Variants in DLGAP2 observed in about 807,000 individuals in gnomAD.
DLGAP2 encodes disks large-associated protein 2.
DLGAP2 carries 26 observed loss-of-function variants against 100.3 expected under a neutral mutation model. That is an observed-to-expected ratio of 0.26 (90% CI 0.19 to 0.36). The LOEUF is 0.36. Among genes scored for constraint, DLGAP2 ranks in the 10% least tolerant of loss-of-function variants. The pLI, the probability that DLGAP2 is intolerant of heterozygous loss-of-function variation, is 1.00. For synonymous variants in DLGAP2, 886 were observed against 630.1 expected (o/e 1.41, Z -6.08); for missense variants, 1,858 against 1,453.2 (o/e 1.28, Z -4.53).
At chr8:1,362,021 C>G (rs781334295) in intron 3 of DLGAP2, among the ~76,000 whole-genome samples, 123 of 152,152 alleles carry the variant, frequency 8.1e-4, no homozygotes, top group Admixed American at 9.2e-4. Flanking sequence ...TTCCGTGCTA[C>G]GGTGGCAAGT....
intron 2 of DLGAP2, among the ~76,000 whole-genome samples, chr8:1,258,597 TA>T (rs201639316): frequency 2.7e-5 from 4 of 150,110 alleles, no homozygotes; most frequent in Admixed American, 6.7e-5. Context: ...TTAGTAAAAT[TA>T]AAAAAAATTT....
intron 2 of DLGAP2, among the ~76,000 whole-genome samples, chr8:1,183,605 G>A (rs1023869735): frequency 5.3e-5 from 8 of 152,346 alleles, no homozygotes; most frequent in South Asian, 4.1e-4. Context: ...CACAGAGGCG[G>A]AGGTTTGCGA....
intron 3 of DLGAP2, among the ~76,000 whole-genome samples, chr8:1,474,953 C>G (rs963963507): frequency 9.9e-5 from 15 of 152,144 alleles, no homozygotes; most frequent in African/African-American, 3.4e-4. Flanking sequence ...CAGCACTATT[C>G]GCAACAGGAA....
intron 3 of DLGAP2, among the ~76,000 whole-genome samples, chr8:1,333,557 A>T (rs1310012048): frequency 2.0e-5 from 3 of 152,074 alleles, no homozygotes; most frequent in African/African-American, 7.2e-5. Flanking sequence ...GGGTTTGTTC[A>T]TCCGGACACC....
intron 2 of DLGAP2, among the ~76,000 whole-genome samples, chr8:1,044,824 G>A (rs571552322): frequency 1.3e-5 from 2 of 152,290 alleles, no homozygotes; most frequent in South Asian, 4.1e-4. Context: ...TCGACCTGCA[G>A]AACGGACCCA....
intron 3 of DLGAP2, among the ~76,000 whole-genome samples, chr8:1,489,007 C>G (rs1344712958): frequency 6.6e-6 from 1 of 152,202 alleles, no homozygotes; most frequent in African/African-American, 2.4e-5. Flanking sequence ...AACTCGCATT[C>G]AGCTTAAATA....
chr8:1,537,008 C>T (rs1055469087), intron 4 of DLGAP2, among the ~76,000 whole-genome samples: 5 of 151,966 alleles, frequency 3.3e-5, no homozygotes, highest in Non-Finnish European at 5.9e-5. Flanking sequence ...ACAATGATTA[C>T]GGGCCCTTCA....
At chr8:1,214,524 C>G (rs1011271355) in intron 2 of DLGAP2, among the ~76,000 whole-genome samples, 3 of 152,152 alleles carry the variant, frequency 2.0e-5, no homozygotes, top group Non-Finnish European at 1.5e-5. Flanking sequence ...AAGGTAATAC[C>G]CTAACCCGGA....
chr8:919,687 A>G (rs1346447856), intron 2 of DLGAP2, among the ~76,000 whole-genome samples: 1 of 152,134 alleles, frequency 6.6e-6, no homozygotes, highest in Non-Finnish European at 1.5e-5. Flanking sequence ...AAACTGCACC[A>G]GGGAAGATGG....
chr8:1,252,061 C>T (rs879648148), intron 2 of DLGAP2, among the ~76,000 whole-genome samples: 3 of 146,560 alleles, frequency 2.0e-5, no homozygotes, highest in African/African-American at 5.5e-5. Context: ...ACACTTGTCA[C>T]ACTGTGTTGT....
chr8:821,986 A>G (rs1325226496), intron 1 of DLGAP2: 1 of 395,842 alleles, frequency 2.5e-6, no homozygotes, highest in East Asian at 3.6e-5. Flanking sequence ...CTGATTAATT[A>G]TTGCTTAGTC....
intron 3 of DLGAP2, among the ~76,000 whole-genome samples, chr8:1,268,650 C>T (rs1799515921): frequency 6.6e-6 from 1 of 152,154 alleles, no homozygotes; most frequent in African/African-American, 2.4e-5. Context: ...TTCCTTAGCT[C>T]CAGGAATACA....
intron 6 of DLGAP2, among the ~76,000 whole-genome samples, chr8:1,595,415 G>A (rs1796420790): frequency 6.6e-6 from 1 of 152,032 alleles, no homozygotes; most frequent in Non-Finnish European, 1.5e-5. Context: ...TGTAATCCCA[G>A]CACTTTGGGA....
intron 8 of DLGAP2, among the ~76,000 whole-genome samples, chr8:1,636,458 A>C (rs1038071412): frequency 2.6e-5 from 4 of 152,226 alleles, no homozygotes; most frequent in Non-Finnish European, 5.9e-5. Context: ...GAGAAAAATT[A>C]TCTCTATATT....
At chr8:1,458,847 A>G (rs925117801) in intron 3 of DLGAP2, among the ~76,000 whole-genome samples, 3 of 152,204 alleles carry the variant, frequency 2.0e-5, no homozygotes, top group Admixed American at 2.0e-4. Context: ...GACAGAGAGC[A>G]GGGTCGGGCG....
chr8:1,371,746 G>T (rs570951032), intron 3 of DLGAP2, among the ~76,000 whole-genome samples: 1 of 152,154 alleles, frequency 6.6e-6, no homozygotes, highest in Non-Finnish European at 1.5e-5. Flanking sequence ...ACATGTCATC[G>T]CCACTTGAGA....
At chr8:761,956 G>A (rs995058135) in intron 1 of DLGAP2, among the ~76,000 whole-genome samples, 8 of 152,142 alleles carry the variant, frequency 5.3e-5, no homozygotes, top group African/African-American at 1.2e-4. Context: ...GGAGATTTTC[G>A]CTTGTTTTTA....
At chr8:1,537,397 A>ATT (rs1563207483) in intron 4 of DLGAP2, among the ~76,000 whole-genome samples, 94 of 152,256 alleles carry the variant, frequency 6.2e-4, no homozygotes, top group African/African-American at 1.8e-3. Flanking sequence ...TGTCATTAAA[A>ATT]TGATTACCTA....
At chr8:1,583,167 C>A (rs1339075803) in intron 6 of DLGAP2, among the ~76,000 whole-genome samples, 1 of 152,174 alleles carries the variant, frequency 6.6e-6, no homozygotes, top group Non-Finnish European at 1.5e-5. Flanking sequence ...CCTCAGCCTC[C>A]TGACACTTCC....
Sources: allele counts gnomAD v4.1 joint callset (sites outside exome capture counted in the v4.1 genomes callset), GRCh38; gene constraint gnomAD v4.1.1; transcripts MANE v1.5; gene names NCBI Gene and HGNC (gene_info 2026-07-23, HGNC 2026-07-21).